AKAP9: variants seen among roughly 807,000 people sequenced by gnomAD.
The protein encoded by AKAP9 is A-kinase anchoring protein 9.
AKAP9 carries 311 observed loss-of-function variants against 488.5 expected under a neutral mutation model. The observed-to-expected ratio is 0.64, with a 90% CI of 0.58 to 0.70. AKAP9 has a LOEUF of 0.70. Ranked by LOEUF, AKAP9 falls within the 30% of genes least tolerant of loss-of-function variation. AKAP9 has a pLI of 0.00. For synonymous variants in AKAP9, 1,462 were observed against 1,483.5 expected (o/e 0.99, Z 0.33); for missense variants, 4,215 against 4,374.5 (o/e 0.96, Z 1.03).
chr7:92,016,193 A>G lies in AKAP9; in HGVS notation c.3677A>G (p.Asp1226Gly). Residue 1226 changes from aspartate to glycine, a missense_variant, in exon 11 of 50, where the codon GAC (aspartate) becomes GGC (glycine). Asp to Gly is a moderately conservative substitution (Grantham distance 94, BLOSUM62 -1). Coordinates refer to ENST00000356239, the MANE Select transcript of AKAP9 (RefSeq NM_005751.5). ...PALKCEVNAE[D>G]KENSGDYISE... Reference sequence around the variant, plus strand: ...TTAAAATGTGAAGTAAATGCAGAAGACAAAGAGAATTCTGGTGATTACATT... The same window carrying G: ...TTAAAATGTGAAGTAAATGCAGAAGGCAAAGAGAATTCTGGTGATTACATT... The G allele has an allele frequency of 1.3e-6, 2 of 1,590,336 alleles. No homozygotes were observed. The highest frequency in any genetic ancestry group is 1.3e-5 in the African/African-American group (1 of 74,528).
At position 92,095,016 on chromosome 7, in the gene AKAP9, G is replaced by A. The variant is rs780871277; in HGVS notation, c.9579-7G>A. The A allele has an allele frequency of 1.2e-6, 2 of 1,613,442 alleles. No homozygotes were observed. The highest frequency in any genetic ancestry group is 3.3e-5 in the Admixed American group (2 of 60,014). ...TTTATGGAAATTCATTTGTCTTTCTGACTTAGGTTGGAAGTTAAAGATAAG... is the reference window on the plus strand; with the variant it reads ...TTTATGGAAATTCATTTGTCTTTCTAACTTAGGTTGGAAGTTAAAGATAAG... On this transcript the variant is annotated splice_region_variant and splice_polypyrimidine_tract_variant and intron_variant, in intron 39 of 49. Coordinates refer to ENST00000356239, the MANE Select transcript of AKAP9 (RefSeq NM_005751.5).
intron 3 of AKAP9, among the ~76,000 whole-genome samples, chr7:91,987,245 C>CTT (rs1797215314): frequency 6.6e-6 from 1 of 151,748 alleles, no homozygotes; most frequent in Non-Finnish European, 1.5e-5. Context: ...TGCTGAAACC[C>CTT]CATGTCTACT....
chr7:92,095,235 G>T, intron 40 of AKAP9, 62 bp downstream of exon 40: 1 of 1,585,164 alleles, frequency 6.3e-7, no homozygotes. Context: ...GGGTCTTAAG[G>T]CTTTCCTCCA....
rs148177992 is a variant in AKAP9 at position 92,024,036 on chromosome 7, CTACTT to C, written c.4148+1030_4148+1034del. ...TCCTAGAATGCTGATTCCTATTTCT[CTACTT>C]TATTTTTTCTATATTACTTAATATT... On this transcript the variant is annotated intron_variant, in intron 14 of 49. Transcript: ENST00000356239. 2.0e-3 allele frequency among the ~76,000 whole-genome samples: 305 copies of C among 152,074 alleles called. 1 individual carries two copies. Among genetic ancestry groups the C allele is most frequent in the African/African-American group, 6.8e-3 (283 of 41,494 alleles).
chr7:92,011,161 G>A (rs1280953280), intron 8 of AKAP9, among the ~76,000 whole-genome samples: 2 of 152,096 alleles, frequency 1.3e-5, no homozygotes, highest in African/African-American at 2.4e-5. Context: ...TGTGATAGAA[G>A]CATTCCCATT....
chr7:92,003,368 A>G, intron 8 of AKAP9, 133 bp downstream of exon 8: 1 of 694,072 alleles, frequency 1.4e-6, no homozygotes. Flanking sequence ...TGTAATTTTA[A>G]CTTGAGCCTA....
chr7:92,001,958 A>G lies in AKAP9; in HGVS notation c.2041A>G (p.Met681Val), dbSNP rs760380872. Residue 681 changes from methionine (M) to valine (V), a missense_variant, in exon 8 of 50, where the codon ATG becomes GTG. By Grantham distance (21) the Met-to-Val change is conservative. Coordinates refer to ENST00000356239, the MANE Select transcript of AKAP9 (RefSeq NM_005751.5). The stretch of plus-strand genomic sequence containing the variant: ...TGAAATGAGTCAAAAGATAGAAACC[A>G]TGCAGTTTGAAAAGGACAATTTGAT... ...QNEMSQKIET[M>V]QFEKDNLITK... The G allele has an allele frequency of 9.3e-6, 15 of 1,613,050 alleles. No individual in the cohort carries two copies. Among genetic ancestry groups the G allele is most frequent in the Admixed American group, 1.7e-5 (1 of 59,970 alleles).
intron 25 of AKAP9, among the ~76,000 whole-genome samples, chr7:92,065,987 A>G (rs78743682): frequency 2.0e-5 from 3 of 152,268 alleles, no homozygotes; most frequent in African/African-American, 7.2e-5. Context: ...AGAGAATCAG[A>G]TTCTTACTCA....
intron 21 of AKAP9, 27 bp downstream of exon 21, chr7:92,045,240 A>G: frequency 1.3e-6 from 2 of 1,595,964 alleles, no homozygotes; most frequent in Non-Finnish European, 1.7e-6. Context: ...TTGTGGAAAC[A>G]ATCATTTCAA....
chr7:92,084,839 C>G lies in AKAP9; in HGVS notation c.8731C>G (p.Gln2911Glu). ...CSSDSGSDWG[Q>E]GIYLTHSQGF... ...TTTAGATTCTGGATCAGACTGGGGT[C>G]AGGGAATTTATCTTACACACAGTCA... Residue 2911 changes from glutamine to glutamate, a missense_variant, in exon 35 of 50, where the codon CAG (glutamine) becomes GAG (glutamate). Physicochemically the swap from Gln to Glu is conservative, Grantham distance 29. This residue lies in a region of AKAP9 where 1,476 missense variants were observed against 1,477.4 expected (regional missense o/e 1.00). Transcript: ENST00000356239. 2 of 1,612,644 alleles carry G rather than the reference C, an allele frequency of 1.2e-6. No homozygotes were observed. Among genetic ancestry groups the G allele is most frequent in the Non-Finnish European group, 1.7e-6 (2 of 1,179,532 alleles).
chr7:92,001,293 A>G lies in AKAP9; in HGVS notation c.1376A>G (p.Gln459Arg). 6.2e-7 allele frequency: 1 copy of G among 1,614,068 alleles called. No individual in the cohort carries two copies. The highest frequency in any genetic ancestry group is 8.5e-7 in the Non-Finnish European group (1 of 1,179,938). The change falls in exon 8 of 50, where the codon CAG becomes CGG. Residue 459 changes from glutamine to arginine, a missense_variant. Coordinates refer to ENST00000356239, the MANE Select transcript of AKAP9 (RefSeq NM_005751.5). ...KQELIRQHMA[Q>R]MEEMKTRHKG... is the part of the protein sequence containing the mutation. ...GAATTAATAAGACAACACATGGCAC[A>G]GATGGAGGAAATGAAAACACGGCAT...
intron 19 of AKAP9, 42 bp from the exon 20 acceptor site, chr7:92,042,622 TTTTC>T (rs758478768): frequency 1.4e-6 from 2 of 1,400,212 alleles, no homozygotes; most frequent in East Asian, 4.6e-5. Flanking sequence ...AGTTGACAGG[TTTTC>T]TTTCTGTCTT....
At chr7:92,019,588 A>G (rs896737705) in intron 12 of AKAP9, among the ~76,000 whole-genome samples, 2 of 151,654 alleles carry the variant, frequency 1.3e-5, no homozygotes, top group African/African-American at 4.8e-5. Context: ...GTGTAAATTA[A>G]TGGGATTTAT....
rs1801568424 is a variant in AKAP9 at position 92,016,800 on chromosome 7, A to G, written c.3752-217A>G. Among the ~76,000 whole-genome samples the G allele has an allele frequency of 2.0e-5, 3 of 152,110 alleles. No homozygotes were observed. The South Asian group carries it at 6.2e-4, about 32-fold the overall frequency. ...ACAAAATGTATATAAATTAATGACT[A>G]CCAAAAGAAATTAACATATTTTAAT... On this transcript the variant is annotated intron_variant, in intron 11 of 49. Coordinates refer to ENST00000356239, the MANE Select transcript of AKAP9 (RefSeq NM_005751.5).
At chr7:92,101,458 A>C (rs1423960013) in intron 45 of AKAP9, among the ~76,000 whole-genome samples, 1 of 151,400 alleles carries the variant, frequency 6.6e-6, no homozygotes, top group Non-Finnish European at 1.5e-5. Flanking sequence ...AAAAATGTAG[A>C]TAGTATTCAG....
intron 8 of AKAP9, among the ~76,000 whole-genome samples, chr7:92,008,814 GTC>G (rs1407986201): frequency 6.6e-6 from 1 of 151,702 alleles, no homozygotes; most frequent in Non-Finnish European, 1.5e-5. Flanking sequence ...GTGAAACCCT[GTC>G]TCTACTAAAA....
chr7:92,035,077 G>A (rs534547175), intron 16 of AKAP9, among the ~76,000 whole-genome samples: 2 of 152,060 alleles, frequency 1.3e-5, no homozygotes, highest in African/African-American at 2.4e-5. Context: ...TGCTATACTC[G>A]AAAGCATAGC....
chr7:91,948,021 T>C (rs752269655), intron 1 of AKAP9, among the ~76,000 whole-genome samples: 34 of 152,232 alleles, frequency 2.2e-4, no homozygotes, highest in Non-Finnish European at 4.4e-4. Context: ...GTTGTAGATA[T>C]TTAATATGAA....
At chr7:91,968,035 T>G (rs891871948) in intron 1 of AKAP9, among the ~76,000 whole-genome samples, 2 of 152,156 alleles carry the variant, frequency 1.3e-5, no homozygotes, top group Non-Finnish European at 2.9e-5. Context: ...CCTCCTGGGC[T>G]CAAGCCGTCT....
Sources: gnomAD v4.1 joint callset for allele counts (sites outside exome capture counted in the v4.1 genomes callset) on GRCh38, gnomAD v4.1.1 for gene constraint, gnomAD v4.1.1 regional missense constraint, MANE v1.5 for transcripts, NCBI Gene and HGNC (gene_info 2026-07-23, HGNC 2026-07-21) for gene names.